IL1RAPL1: variants seen among roughly 807,000 people sequenced by gnomAD.
IL1RAPL1 encodes interleukin 1 receptor accessory protein like 1, also known as interleukin-1 receptor accessory protein-like 1.
In IL1RAPL1, 3 loss-of-function variants were observed where a neutral mutation model predicts 48.4. The observed-to-expected ratio is 0.06, with a 90% CI of 0.03 to 0.16. The LOEUF (loss-of-function observed/expected upper bound fraction) is 0.16, where lower values mean the gene tolerates loss of function less well. Ranked by LOEUF, IL1RAPL1 falls within the 10% of genes least tolerant of loss-of-function variation. The probability of loss-of-function intolerance (pLI) is 1.00; values close to 1 mark genes in which losing one functional copy is unlikely to be tolerated. For synonymous variants in IL1RAPL1, 185 were observed against 187.7 expected, an observed-to-expected ratio of 0.99 and a Z score of 0.12; for missense variants, 349 against 530.6, an observed-to-expected ratio of 0.66 and a Z score of 3.36.
intron 1 of IL1RAPL1, among the ~76,000 whole-genome samples, chrX:28,724,465 C>T (rs937071033): frequency 9.0e-6 from 1 of 110,899 alleles, no homozygotes; most frequent in African/African-American, 3.3e-5. Context: ...TTCCTCCATC[C>T]CTTTATTTTG....
At chrX:29,537,393 GA>G (rs1921267893) in intron 5 of IL1RAPL1, among the ~76,000 whole-genome samples, 1 of 110,386 alleles carries the variant, frequency 9.1e-6, no homozygotes, top group Non-Finnish European at 1.9e-5. Flanking sequence ...AAGGAAGGAA[GA>G]CTTCAGAATA....
chrX:29,443,686 A>G (rs975214425), intron 5 of IL1RAPL1, among the ~76,000 whole-genome samples: 1 of 111,837 alleles, frequency 8.9e-6, no homozygotes, highest in African/African-American at 3.3e-5. Context: ...TATAATAATC[A>G]TTCATTTGCT....
chrX:29,367,920 T>C (rs1265256160), intron 3 of IL1RAPL1, among the ~76,000 whole-genome samples: 2 of 109,799 alleles, frequency 1.8e-5, no homozygotes, highest in African/African-American at 6.6e-5. Flanking sequence ...TATATATCTT[T>C]ATACAAATGT....
chrX:28,803,989 C>G (rs1386377510), intron 2 of IL1RAPL1, among the ~76,000 whole-genome samples: 1 of 112,060 alleles, frequency 8.9e-6, no homozygotes, highest in Non-Finnish European at 1.9e-5. Flanking sequence ...TTAATTTGAT[C>G]ATTCTTAGTT....
At chrX:29,312,884 G>A (rs1318696156) in intron 3 of IL1RAPL1, among the ~76,000 whole-genome samples, 2 of 110,903 alleles carry the variant, frequency 1.8e-5, no homozygotes, top group Non-Finnish European at 3.8e-5. Flanking sequence ...AAGGGGTTTC[G>A]GCTTTCGCTC....
chrX:29,835,964 T>G (rs1177315100), intron 6 of IL1RAPL1, among the ~76,000 whole-genome samples: 1 of 106,488 alleles, frequency 9.4e-6, no homozygotes, highest in Non-Finnish European at 1.9e-5. Flanking sequence ...AGTCTTCATT[T>G]CATGGATCTT....
Position 28,699,046 on chromosome X carries a change from T to C in IL1RAPL1, c.-24-90274T>C, listed in dbSNP as rs996050808. On this transcript the variant is annotated intron_variant, in intron 1 of 10. Coordinates refer to ENST00000378993, the MANE Select transcript of IL1RAPL1 (RefSeq NM_014271.4). ...TACTGTTTTACTCCCATTTTTATTG[T>C]CTGGTGTCTCTTTAGCACAACCCAT... Among the ~76,000 whole-genome samples the C allele has an allele frequency of 3.6e-5, 4 of 112,244 alleles. No individual in the cohort carries two copies. The East Asian group carries it at 1.1e-3, about 32-fold the overall frequency.
At chrX:28,862,764 C>G (rs1284046741) in intron 2 of IL1RAPL1, among the ~76,000 whole-genome samples, 2 of 112,221 alleles carry the variant, frequency 1.8e-5, no homozygotes, top group Non-Finnish European at 3.8e-5. Flanking sequence ...GAGTAAAAAG[C>G]CACAATTTGG....
rs138328875 is a variant in IL1RAPL1 at position 29,346,951 on chromosome X, T to C, written c.363-49307T>C. On this transcript the variant is annotated intron_variant, in intron 3 of 10. Coordinates refer to ENST00000378993, the MANE Select transcript of IL1RAPL1 (RefSeq NM_014271.4). ...TATTAATTAGCTCATTCCATATTTA[T>C]TGAACAACTACACTGTACCAGATTT... Among the ~76,000 whole-genome samples, 224 of 112,201 alleles carry C rather than the reference T, an allele frequency of 2.0e-3. 4 individuals are homozygous for C. The East Asian group carries it at 0.037, about 19-fold the overall frequency.
At chrX:29,634,498 C>G (rs1220794342) in intron 5 of IL1RAPL1, among the ~76,000 whole-genome samples, 2 of 110,046 alleles carry the variant, frequency 1.8e-5, no homozygotes, top group Non-Finnish European at 3.8e-5. Context: ...GGTGTAGACT[C>G]CCTCCTACCA....
At chrX:29,930,457 GATCA>G (rs2147245649) in intron 8 of IL1RAPL1, among the ~76,000 whole-genome samples, 1 of 111,852 alleles carries the variant, frequency 8.9e-6, no homozygotes, top group African/African-American at 3.2e-5. Context: ...TAAAGCCATA[GATCA>G]ATTACCTATG....
At chrX:29,713,448 GAAGTTGTGCTTCAAGAGAAACA>G (rs1281878135) in intron 6 of IL1RAPL1, among the ~76,000 whole-genome samples, 2 of 111,781 alleles carry the variant, frequency 1.8e-5, no homozygotes, top group African/African-American at 6.5e-5. Flanking sequence ...ATGATCTAAT[GAAGTTGTGCTTCAAGAGAAACA>G]AAGTGAAAGA....
intron 2 of IL1RAPL1, among the ~76,000 whole-genome samples, chrX:29,071,992 G>A (rs925093830): frequency 2.7e-5 from 3 of 110,889 alleles, no homozygotes; most frequent in East Asian, 2.8e-4. Flanking sequence ...TGCCTTCAGC[G>A]GCAATGGAAG....
chrX:29,193,431 G>C (rs1057410374), intron 2 of IL1RAPL1, among the ~76,000 whole-genome samples: 2 of 110,822 alleles, frequency 1.8e-5, no homozygotes, highest in African/African-American at 3.3e-5. Context: ...TCAGAAAATA[G>C]CCCATATATT....
At chrX:28,714,947 G>A (rs193062076) in intron 1 of IL1RAPL1, among the ~76,000 whole-genome samples, 7 of 111,704 alleles carry the variant, frequency 6.3e-5, no homozygotes, top group East Asian at 5.6e-4. Flanking sequence ...CAATAGTAGT[G>A]GGATACTTTA....
intron 2 of IL1RAPL1, among the ~76,000 whole-genome samples, chrX:29,021,941 C>T (rs1487468151): frequency 7.1e-5 from 8 of 111,933 alleles, no homozygotes; most frequent in Non-Finnish European, 1.9e-5. Flanking sequence ...ATGCAGTCAT[C>T]TCCTTATTAT....
intron 1 of IL1RAPL1, among the ~76,000 whole-genome samples, chrX:28,669,901 CT>C (rs2065126801): frequency 9.2e-6 from 1 of 108,345 alleles, no homozygotes; most frequent in African/African-American, 3.4e-5. Flanking sequence ...CTTTAAGAGA[CT>C]TGTAGTTATG....
chrX:28,633,609 G>C (rs1934424673), intron 1 of IL1RAPL1, among the ~76,000 whole-genome samples: 1 of 111,879 alleles, frequency 8.9e-6, no homozygotes, highest in African/African-American at 3.3e-5. Flanking sequence ...TATCTGTTGG[G>C]CAATCCTTCA....
chrX:29,894,098 G>A (rs5973280), intron 6 of IL1RAPL1, among the ~76,000 whole-genome samples: 2,246 of 112,053 alleles, frequency 0.02, 29 homozygotes, highest in Middle Eastern at 0.041. Flanking sequence ...CTCCATTACG[G>A]AACTTCATTT....
Sources: gnomAD v4.1 joint callset for allele counts (sites outside exome capture counted in the v4.1 genomes callset) on GRCh38, gnomAD v4.1.1 for gene constraint, MANE v1.5 for transcripts, NCBI Gene and HGNC (gene_info 2026-07-23, HGNC 2026-07-21) for gene names.